EPB41L2: variants seen among roughly 807,000 people sequenced by gnomAD.
EPB41L2 encodes the protein erythrocyte membrane protein band 4.1 like 2, also known as band 4.1-like protein 2.
EPB41L2 carries 43 observed loss-of-function variants against 113.0 expected under a neutral mutation model. That is an observed-to-expected ratio of 0.38 (90% CI 0.30 to 0.49). The LOEUF (loss-of-function observed/expected upper bound fraction) is 0.49, where lower values mean the gene tolerates loss of function less well. Ranked by LOEUF, EPB41L2 falls within the 20% of genes least tolerant of loss-of-function variation. The pLI, the probability that EPB41L2 is intolerant of heterozygous loss-of-function variation, is 0.95. For synonymous variants in EPB41L2, 442 were observed against 436.7 expected, an observed-to-expected ratio of 1.01 and a Z score of -0.15; for missense variants, 1,147 against 1,223.4, an observed-to-expected ratio of 0.94 and a Z score of 0.93.
intron 7 of EPB41L2, 40 bp downstream of exon 7, chr6:130,900,922 T>C: frequency 6.3e-7 from 1 of 1,596,800 alleles, no homozygotes; most frequent in Non-Finnish European, 8.6e-7. Context: ...GCTATTTAAA[T>C]CTCCCATGGC....
chr6:130,865,086 C>T (rs1278589698), intron 17 of EPB41L2, among the ~76,000 whole-genome samples: 2 of 152,128 alleles, frequency 1.3e-5, no homozygotes, highest in Non-Finnish European at 2.9e-5. Flanking sequence ...GAGAATTATG[C>T]AGGGAGGAAC....
rs115125709 is a variant in EPB41L2 at position 130,866,516 on chromosome 6, T to C, written c.2731-882A>G. Reference sequence around the variant, plus strand: ...TATCACAGCACAGACACATCACTAATGCTCCCCCGCCAAGCTGTTCATAAG... The same window carrying C: ...TATCACAGCACAGACACATCACTAACGCTCCCCCGCCAAGCTGTTCATAAG... On this transcript the variant is annotated intron_variant, in intron 16 of 19. Transcript: ENST00000337057. Among the ~76,000 whole-genome samples, 113 of 152,316 alleles carry C rather than the reference T, an allele frequency of 7.4e-4. 1 individual carries two copies. The highest frequency in any genetic ancestry group is 2.5e-3 in the African/African-American group (102 of 41,560).
intron 1 of EPB41L2, among the ~76,000 whole-genome samples, chr6:130,993,891 A>G (rs901936197): frequency 6.6e-6 from 1 of 152,206 alleles, no homozygotes; most frequent in Admixed American, 6.5e-5. Flanking sequence ...CTCGGATGAA[A>G]AATGTTTAAA....
At chr6:130,860,484 TAAG>T (rs945415495) in intron 18 of EPB41L2, among the ~76,000 whole-genome samples, 12 of 152,388 alleles carry the variant, frequency 7.9e-5, no homozygotes, top group African/African-American at 2.9e-4. Flanking sequence ...ATGGCAATAA[TAAG>T]GATTATGAGA....
At position 130,955,068 on chromosome 6, in the gene EPB41L2, C is replaced by T. The variant is rs1418793059; in HGVS notation, c.705+37G>A. The T allele has an allele frequency of 3.2e-6, 5 of 1,567,564 alleles. No homozygotes were observed. The East Asian group carries it at 6.7e-5, about 21-fold the overall frequency. On this transcript the variant is annotated intron_variant, in intron 3 of 19. Coordinates refer to ENST00000337057, the MANE Select transcript of EPB41L2 (RefSeq NM_001431.4). Reference sequence around the variant, plus strand: ...ATTCATCATGCCATGCCACAATCCACATATCAAGCTAGCTCTCACTCAGCT... The same window carrying T: ...ATTCATCATGCCATGCCACAATCCATATATCAAGCTAGCTCTCACTCAGCT...
Position 130,861,670 on chromosome 6 carries a change from G to A in EPB41L2, c.2910+1968C>T, listed in dbSNP as rs151328385. 8.0e-3 allele frequency among the ~76,000 whole-genome samples: 1,209 copies of A among 152,038 alleles called. 14 individuals are homozygous for A. The highest frequency in any genetic ancestry group is 0.027 in the African/African-American group (1,134 of 41,450). On this transcript the variant is annotated intron_variant, in intron 18 of 19. Coordinates refer to ENST00000337057, the MANE Select transcript of EPB41L2 (RefSeq NM_001431.4). ...GTGGATAACCTGAGGTCAGGAGTTC[G>A]AGACCAGCCTGGCCAACACAGTGAA... is the stretch of plus-strand genomic sequence containing the variant.
rs1209871189 is a variant in EPB41L2 at position 131,005,693 on chromosome 6, TTC to T, written c.-14-49196_-14-49195del. Among the ~76,000 whole-genome samples the T allele has an allele frequency of 3.3e-5, 5 of 152,320 alleles. No individual in the cohort carries two copies. In the East Asian group the frequency reaches 9.7e-4, roughly 29 times the overall value. ...AGGCAAATCTCAGTAATCCTGTTTT[TTC>T]TCACTATCTCAGTTACCCATTCCCA... is the stretch of plus-strand genomic sequence containing the variant. On this transcript the variant is annotated intron_variant, in intron 1 of 19. Coordinates refer to ENST00000337057, the MANE Select transcript of EPB41L2 (RefSeq NM_001431.4).
chr6:130,864,863 A>G (rs1303899549), intron 17 of EPB41L2, among the ~76,000 whole-genome samples: 1 of 152,252 alleles, frequency 6.6e-6, no homozygotes, highest in East Asian at 1.9e-4. Context: ...TATCCAAAGT[A>G]AAAAACAGAA....
At chr6:130,903,292 T>C (rs1357871333) in intron 6 of EPB41L2, among the ~76,000 whole-genome samples, 1 of 152,054 alleles carries the variant, frequency 6.6e-6, no homozygotes, top group Non-Finnish European at 1.5e-5. Flanking sequence ...TTTTATGCTC[T>C]AAGTAGCTCA....
chr6:130,966,511 G>A (rs143523037), intron 1 of EPB41L2, among the ~76,000 whole-genome samples: 1 of 69,156 alleles, frequency 1.4e-5, no homozygotes, highest in African/African-American at 8.5e-5. Flanking sequence ...ATGCATATGT[G>A]AATATGCACA....
chr6:131,031,178 A>T (rs1336365249), intron 1 of EPB41L2, among the ~76,000 whole-genome samples: 1 of 152,232 alleles, frequency 6.6e-6, no homozygotes, highest in East Asian at 1.9e-4. Flanking sequence ...CCCAGAAAAG[A>T]CAAAATGACT....
intron 14 of EPB41L2, chr6:130,870,473 C>G (rs758369976): frequency 6.3e-5 from 83 of 1,314,498 alleles, no homozygotes; most frequent in Non-Finnish European, 8.7e-5. Context: ...AAAGACAAAA[C>G]AGCAAGAATC....
chr6:130,960,188 A>T (rs1818873476), intron 1 of EPB41L2, among the ~76,000 whole-genome samples: 2 of 152,182 alleles, frequency 1.3e-5, no homozygotes, highest in South Asian at 4.1e-4. Context: ...ACACTTCATA[A>T]TGCAATCACA....
At chr6:130,944,208 A>ACACACACAC in intron 3 of EPB41L2, among the ~76,000 whole-genome samples, 1 of 90,752 alleles carries the variant, frequency 1.1e-5, no homozygotes, top group Non-Finnish European at 2.7e-5. Context: ...CACACACACA[A>ACACACACAC]ATGCCCAAAT....
chr6:130,906,412 A>G (rs930336932), intron 5 of EPB41L2, among the ~76,000 whole-genome samples: 3 of 152,202 alleles, frequency 2.0e-5, no homozygotes, highest in African/African-American at 7.2e-5. Flanking sequence ...AAATTGACCT[A>G]ATTAACATAT....
chr6:130,896,508 C>A (rs1233897670), intron 8 of EPB41L2, among the ~76,000 whole-genome samples: 2 of 152,130 alleles, frequency 1.3e-5, no homozygotes, highest in South Asian at 4.1e-4. Flanking sequence ...GGAGGCAACC[C>A]GCATTTGAAA....
intron 1 of EPB41L2, among the ~76,000 whole-genome samples, chr6:131,005,178 G>GT (rs5880046): frequency 0.034 from 4,990 of 145,176 alleles, 281 homozygotes; most frequent in East Asian, 0.29. Context: ...CTTTTACAGA[G>GT]TTTTTTTTTT....
At chr6:130,871,199 A>C (rs1044801975) in intron 14 of EPB41L2, among the ~76,000 whole-genome samples, 8 of 152,226 alleles carry the variant, frequency 5.3e-5, no homozygotes, top group African/African-American at 1.9e-4. Flanking sequence ...TGATATTATT[A>C]ACTAGGGTGG....
At chr6:130,878,283 A>C in intron 13 of EPB41L2, 33 bp from the exon 14 acceptor site, 1 of 1,579,312 alleles carries the variant, frequency 6.3e-7, no homozygotes. Context: ...AGGGGGGAAA[A>C]ATCCAAAAGG....
Sources: allele counts gnomAD v4.1 joint callset (sites outside exome capture counted in the v4.1 genomes callset), GRCh38; gene constraint gnomAD v4.1.1; transcripts MANE v1.5; gene names NCBI Gene and HGNC (gene_info 2026-07-23, HGNC 2026-07-21).